APBB2: variants seen among roughly 807,000 people sequenced by gnomAD.
APBB2 encodes amyloid beta precursor protein binding family B member 2.
APBB2 carries 38 observed loss-of-function variants against 82.5 expected under a neutral mutation model. That is an observed-to-expected ratio of 0.46 (90% CI 0.36 to 0.60). The LOEUF is 0.60. APBB2 is among the 20% of genes least tolerant of loss of function. APBB2 has a pLI of 0.00. For missense variants in APBB2, 772 were observed against 972.3 expected, an observed-to-expected ratio of 0.79 and a Z score of 2.74; for synonymous variants, 341 against 368.2, an observed-to-expected ratio of 0.93 and a Z score of 0.85.
intron 6 of APBB2, among the ~76,000 whole-genome samples, chr4:40,966,926 G>A (rs1392472327): frequency 1.3e-5 from 2 of 152,214 alleles, no homozygotes; most frequent in African/African-American, 4.8e-5. Context: ...GACAACCAGA[G>A]GCCTAGGGGC....
intron 2 of APBB2, among the ~76,000 whole-genome samples, chr4:41,126,427 G>A (rs551054163): frequency 1.6e-4 from 24 of 152,146 alleles, no homozygotes; most frequent in Admixed American, 1.6e-3. Flanking sequence ...GATCAGAAAT[G>A]AATGACTAAT....
intron 6 of APBB2, among the ~76,000 whole-genome samples, chr4:41,001,290 T>C (rs1413161269): frequency 2.0e-5 from 3 of 152,244 alleles, no homozygotes; most frequent in African/African-American, 4.8e-5. Context: ...TAGACTTTCA[T>C]GGGCAAACCA....
chr4:41,109,832 C>T (rs1032681323), intron 2 of APBB2, among the ~76,000 whole-genome samples: 9 of 152,102 alleles, frequency 5.9e-5, no homozygotes, highest in African/African-American at 9.7e-5. Context: ...ACAGAAGAAT[C>T]GGATGTTCCA....
intron 1 of APBB2, among the ~76,000 whole-genome samples, chr4:41,212,713 C>T (rs1779627231): frequency 6.6e-6 from 1 of 152,108 alleles, no homozygotes; most frequent in Non-Finnish European, 1.5e-5. Flanking sequence ...ACATGGACAA[C>T]GAAAGAACAG....
Position 40,810,485 on chromosome 4 carries a change from C to T in APBB2, c.*5607G>A, listed in dbSNP as rs1457148723. The T allele has an allele frequency of 2.1e-5, 3 of 145,134 alleles. 1 individual carries two copies. The highest frequency in any genetic ancestry group is 4.3e-4 in the South Asian group (2 of 4,620). 9.0% of individuals were successfully genotyped at this position (145,134 alleles called of 1,614,324 possible). A position where few individuals can be genotyped will look rare whatever the true frequency, so the allele number is the denominator to read the frequency against. On this transcript the variant is annotated 3_prime_UTR_variant, in exon 18 of 18. Transcript: ENST00000508593. Reference sequence around the variant, plus strand: ...CCCAGCTACTTAGGAGGCTGAGGTACGAGGATCTCTTGAGTCCAGGAGGTG... The same window carrying T: ...CCCAGCTACTTAGGAGGCTGAGGTATGAGGATCTCTTGAGTCCAGGAGGTG...
At chr4:40,888,180 GTAT>G (rs1770881899) in intron 12 of APBB2, among the ~76,000 whole-genome samples, 1 of 152,220 alleles carries the variant, frequency 6.6e-6, no homozygotes, top group Non-Finnish European at 1.5e-5. Context: ...ACCGATTACT[GTAT>G]ACACATGCAC....
intron 6 of APBB2, among the ~76,000 whole-genome samples, chr4:40,974,102 T>C (rs941583555): frequency 6.6e-6 from 1 of 152,080 alleles, no homozygotes; most frequent in Non-Finnish European, 1.5e-5. Context: ...TCCACCCACC[T>C]TGGCCTCCAA....
At chr4:40,908,373 G>A (rs899979230) in intron 10 of APBB2, among the ~76,000 whole-genome samples, 2 of 152,138 alleles carry the variant, frequency 1.3e-5, no homozygotes, top group East Asian at 1.9e-4. Context: ...AGGTAACCAT[G>A]AGCATATGGC....
intron 10 of APBB2, among the ~76,000 whole-genome samples, chr4:40,912,972 C>T (rs151254108): frequency 6.6e-6 from 1 of 152,310 alleles, no homozygotes; most frequent in Admixed American, 6.5e-5. Flanking sequence ...TCCTGAGGTC[C>T]GCATGGCTGA....
intron 2 of APBB2, among the ~76,000 whole-genome samples, chr4:41,101,329 TGGCG>T: frequency 6.7e-6 from 1 of 150,158 alleles, no homozygotes; most frequent in Admixed American, 6.6e-5. Flanking sequence ...CCGGGCGCGG[TGGCG>T]GGCGCCTGTA....
intron 10 of APBB2, among the ~76,000 whole-genome samples, chr4:40,932,961 T>C (rs1784574344): frequency 6.6e-6 from 1 of 152,156 alleles, no homozygotes; most frequent in African/African-American, 2.4e-5. Context: ...CCTCCTGGGT[T>C]CAAGTGATTC....
At chr4:41,060,334 G>T (rs1227190868) in intron 4 of APBB2, among the ~76,000 whole-genome samples, 3 of 152,214 alleles carry the variant, frequency 2.0e-5, no homozygotes, top group East Asian at 3.8e-4. Context: ...AATATGCAAA[G>T]AATTTCTCCC....
chr4:41,046,025 A>G (rs1171170181), intron 4 of APBB2, among the ~76,000 whole-genome samples: 1 of 152,196 alleles, frequency 6.6e-6, no homozygotes, highest in African/African-American at 2.4e-5. Flanking sequence ...TTTAATTTTT[A>G]AAAAAAGGTT....
At chr4:41,178,772 C>A (rs1459279565) in intron 1 of APBB2, among the ~76,000 whole-genome samples, 1 of 152,174 alleles carries the variant, frequency 6.6e-6, no homozygotes, top group Non-Finnish European at 1.5e-5. Flanking sequence ...CACCCAAGAC[C>A]ACATTCTTAA....
At chr4:41,157,176 G>A (rs981117628) in intron 1 of APBB2, among the ~76,000 whole-genome samples, 1 of 152,080 alleles carries the variant, frequency 6.6e-6, no homozygotes. Context: ...ACAGCAAGTG[G>A]CGATTTCTAT....
intron 10 of APBB2, among the ~76,000 whole-genome samples, chr4:40,899,368 G>A (rs1774610574): frequency 6.6e-6 from 1 of 152,150 alleles, no homozygotes; most frequent in African/African-American, 2.4e-5. Context: ...CAGTGGAATT[G>A]AGTCATCCTA....
chr4:40,950,657 C>T (rs1377912233), intron 6 of APBB2, among the ~76,000 whole-genome samples: 1 of 152,022 alleles, frequency 6.6e-6, no homozygotes, highest in Non-Finnish European at 1.5e-5. Context: ...ACCAGCCTGG[C>T]CAACATGGTG....
At chr4:41,070,708 C>A (rs1733555620) in intron 3 of APBB2, among the ~76,000 whole-genome samples, 1 of 152,054 alleles carries the variant, frequency 6.6e-6, no homozygotes, top group Non-Finnish European at 1.5e-5. Flanking sequence ...TTAGTATGTA[C>A]CACGTGACAT....
At chr4:41,141,161 G>C (rs1759018685) in intron 2 of APBB2, among the ~76,000 whole-genome samples, 1 of 152,088 alleles carries the variant, frequency 6.6e-6, no homozygotes, top group Non-Finnish European at 1.5e-5. Flanking sequence ...TTTACACTAA[G>C]ACCTCACTCC....
Sources: gnomAD v4.1 joint callset for allele counts (sites outside exome capture counted in the v4.1 genomes callset) on GRCh38, gnomAD v4.1.1 for gene constraint, MANE v1.5 for transcripts, NCBI Gene and HGNC (gene_info 2026-07-23, HGNC 2026-07-21) for gene names.